Variants in CSTPP1 observed in about 807,000 individuals in gnomAD.
The protein encoded by CSTPP1 is UPF0705 protein C11orf49.
chr11:47,154,313 A>AC, the CSTPP1 span: 2 of 152,284 alleles, frequency 1.3e-5, no homozygotes, highest in Non-Finnish European at 2.9e-5. Flanking sequence ...GGCCCGCCCC[A>AC]CCCCATCTGA....
chr11:47,162,181 T>C, the CSTPP1 span: 1 of 985,640 alleles, frequency 1.0e-6, no homozygotes, highest in Non-Finnish European at 1.2e-6. Flanking sequence ...CTTCAAGTCT[T>C]GACCCCTTTG....
the CSTPP1 span, among the ~76,000 whole-genome samples, chr11:46,939,571 C>A: frequency 6.6e-6 from 1 of 151,786 alleles, no homozygotes; most frequent in South Asian, 2.1e-4. Flanking sequence ...AGGAGGATTG[C>A]TTGAGGTCAG....
the CSTPP1 span, among the ~76,000 whole-genome samples, chr11:47,112,587 G>T: frequency 6.6e-6 from 1 of 152,164 alleles, no homozygotes; most frequent in South Asian, 2.1e-4. Context: ...CTCCCAAACT[G>T]TCAGGACTAC....
chr11:46,970,869 TG>T, the CSTPP1 span, among the ~76,000 whole-genome samples: 2 of 152,192 alleles, frequency 1.3e-5, no homozygotes, highest in Admixed American at 6.5e-5. Flanking sequence ...TCAATCCACA[TG>T]CCCATCAATA....
chr11:46,982,789 A>T, the CSTPP1 span, among the ~76,000 whole-genome samples: 1 of 152,198 alleles, frequency 6.6e-6, no homozygotes, highest in Non-Finnish European at 1.5e-5. Context: ...TTTGATGAGC[A>T]GAACTTTCAA....
At chr11:47,117,390 A>G in the CSTPP1 span, among the ~76,000 whole-genome samples, 1 of 152,170 alleles carries the variant, frequency 6.6e-6, no homozygotes, top group Admixed American at 6.5e-5. Context: ...TCCTTCATTT[A>G]TGAAGTTTAG....
the CSTPP1 span, among the ~76,000 whole-genome samples, chr11:47,026,810 A>G: frequency 3.9e-5 from 6 of 152,192 alleles, no homozygotes; most frequent in Non-Finnish European, 8.8e-5. Context: ...CTCAGGAGGC[A>G]GAGGTTGCAA....
At chr11:47,123,430 C>G in the CSTPP1 span, 2 of 152,156 alleles carry the variant, frequency 1.3e-5, no homozygotes, top group Admixed American at 6.5e-5. Context: ...CACTTCAAGC[C>G]AAACAAAACC....
chr11:47,065,200 G>A, the CSTPP1 span, among the ~76,000 whole-genome samples: 1 of 152,164 alleles, frequency 6.6e-6, no homozygotes, highest in Admixed American at 6.5e-5. Flanking sequence ...TAGGATTGCA[G>A]TGAATCTATA....
chr11:47,048,878 T>G, the CSTPP1 span, among the ~76,000 whole-genome samples: 2 of 152,194 alleles, frequency 1.3e-5, no homozygotes, highest in Admixed American at 1.3e-4. Context: ...TAAAAAGAGA[T>G]AGATTCTAGT....
chr11:47,146,207 A>AG, the CSTPP1 span, among the ~76,000 whole-genome samples: 1 of 152,138 alleles, frequency 6.6e-6, no homozygotes, highest in Non-Finnish European at 1.5e-5. Flanking sequence ...TACTAAAAAT[A>AG]CAAAAAAATT....
chr11:47,122,085 A>ATATATAT, the CSTPP1 span, among the ~76,000 whole-genome samples: 8 of 82,300 alleles, frequency 9.7e-5, no homozygotes, highest in Non-Finnish European at 1.3e-4. Flanking sequence ...AAAAAAAAAA[A>ATATATAT]AAAAAAATAT....
the CSTPP1 span, among the ~76,000 whole-genome samples, chr11:47,150,851 C>T: frequency 6.8e-5 from 10 of 146,466 alleles, no homozygotes; most frequent in South Asian, 2.2e-4. Flanking sequence ...AATGGGGGAA[C>T]GTGTCCTAAG....
the CSTPP1 span, among the ~76,000 whole-genome samples, chr11:47,018,663 A>G: frequency 5.9e-5 from 9 of 152,212 alleles, no homozygotes; most frequent in Admixed American, 5.9e-4. Context: ...TTCTACCAGC[A>G]ATATATGAAT....
At chr11:47,132,617 T>G in the CSTPP1 span, among the ~76,000 whole-genome samples, 1 of 152,214 alleles carries the variant, frequency 6.6e-6, no homozygotes, top group Non-Finnish European at 1.5e-5. Flanking sequence ...GAGCCAGGTT[T>G]TTGAAGCCAG....
At chr11:46,937,830 C>T in the CSTPP1 span, among the ~76,000 whole-genome samples, 1 of 152,130 alleles carries the variant, frequency 6.6e-6, no homozygotes, top group African/African-American at 2.4e-5. Flanking sequence ...AGCCACCGCG[C>T]CCGGCCACAA....
the CSTPP1 span, among the ~76,000 whole-genome samples, chr11:47,079,797 A>G: frequency 6.6e-6 from 1 of 152,146 alleles, no homozygotes; most frequent in Non-Finnish European, 1.5e-5. Context: ...TTCATCTTTC[A>G]GAAGGAAGAA....
the CSTPP1 span, chr11:47,052,563 CT>C: frequency 6.3e-7 from 1 of 1,597,048 alleles, no homozygotes; most frequent in South Asian, 1.1e-5. Flanking sequence ...TCCTTCCTTC[CT>C]TTCTTCCTTC....
the CSTPP1 span, among the ~76,000 whole-genome samples, chr11:47,122,905 G>T: frequency 1.7e-4 from 26 of 152,258 alleles, no homozygotes; most frequent in African/African-American, 6.3e-4. Context: ...TCTTCTGATT[G>T]CAAGAAAGCA....
Sources: gnomAD v4.1 joint callset for allele counts (sites outside exome capture counted in the v4.1 genomes callset) on GRCh38, gnomAD v4.1.1 for gene constraint, MANE v1.5 for transcripts, NCBI Gene and HGNC (gene_info 2026-07-23, HGNC 2026-07-21) for gene names.